CDH18: variants seen among roughly 807,000 people sequenced by gnomAD.
CDH18 encodes cadherin-18.
CDH18 carries 31 observed loss-of-function variants against 67.9 expected under a neutral mutation model. The observed-to-expected ratio is 0.46, with a 90% CI of 0.34 to 0.62. The LOEUF is 0.62. CDH18 is among the 20% of genes least tolerant of loss of function. The pLI is 0.01. For missense variants in CDH18, 890 were observed against 975.5 expected, an observed-to-expected ratio of 0.91 and a Z score of 1.17; for synonymous variants, 362 against 347.2, an observed-to-expected ratio of 1.04 and a Z score of -0.48.
intron 2 of CDH18, among the ~76,000 whole-genome samples, chr5:20,120,238 C>T (rs1748249659): frequency 6.6e-6 from 1 of 152,146 alleles, no homozygotes; most frequent in South Asian, 2.1e-4. Flanking sequence ...ATAGTTCTGC[C>T]TGTAAGGTGG....
chr5:19,669,634 G>A (rs997332652), intron 5 of CDH18, among the ~76,000 whole-genome samples: 6 of 152,024 alleles, frequency 3.9e-5, no homozygotes, highest in Non-Finnish European at 7.4e-5. Flanking sequence ...AAGAAGAGAG[G>A]CAACATTTGT....
chr5:19,883,117 G>A (rs1787834036), intron 2 of CDH18, among the ~76,000 whole-genome samples: 1 of 152,128 alleles, frequency 6.6e-6, no homozygotes, highest in African/African-American at 2.4e-5. Flanking sequence ...CCCAAATGCT[G>A]GCTCGAGAGC....
intron 2 of CDH18, among the ~76,000 whole-genome samples, chr5:19,930,006 G>A (rs1191849810): frequency 2.0e-5 from 3 of 152,012 alleles, no homozygotes; most frequent in African/African-American, 7.2e-5. Flanking sequence ...CAGTGACAGG[G>A]TAAAAGATAA....
chr5:19,480,375 ATTTATTTAT>A (rs1739203405), intron 12 of CDH18, among the ~76,000 whole-genome samples: 1 of 149,466 alleles, frequency 6.7e-6, no homozygotes, highest in African/African-American at 2.5e-5. Context: ...TTATTTATTT[ATTTATTTAT>A]TTATTTATTT....
At chr5:19,679,701 G>A (rs1294554148) in intron 5 of CDH18, among the ~76,000 whole-genome samples, 5 of 151,844 alleles carry the variant, frequency 3.3e-5, no homozygotes, top group African/African-American at 9.7e-5. Context: ...GCAGCCACAA[G>A]TAGAATAAAA....
At chr5:19,623,188 T>C (rs1750976447) in intron 5 of CDH18, among the ~76,000 whole-genome samples, 1 of 152,184 alleles carries the variant, frequency 6.6e-6, no homozygotes, top group Non-Finnish European at 1.5e-5. Context: ...TTCAGGTATA[T>C]GTTGTATTTA....
At chr5:20,143,086 G>A (rs1750372571) in intron 2 of CDH18, among the ~76,000 whole-genome samples, 1 of 152,132 alleles carries the variant, frequency 6.6e-6, no homozygotes, top group African/African-American at 2.4e-5. Context: ...GTAAAACTAT[G>A]GACATTAGAG....
At chr5:19,480,683 G>A (rs1739282005) in intron 12 of CDH18, among the ~76,000 whole-genome samples, 3 of 151,986 alleles carry the variant, frequency 2.0e-5, no homozygotes, top group Admixed American at 6.6e-5. Flanking sequence ...GCCATATAAA[G>A]TTTCTAAAGG....
chr5:19,877,114 C>T (rs910411322), intron 2 of CDH18, among the ~76,000 whole-genome samples: 13 of 152,054 alleles, frequency 8.5e-5, no homozygotes, highest in Admixed American at 8.5e-4. Flanking sequence ...TGTGTTAAGC[C>T]ACGGAGACTT....
At chr5:19,495,678 C>A (rs1442949556) in intron 11 of CDH18, among the ~76,000 whole-genome samples, 4 of 135,286 alleles carry the variant, frequency 3.0e-5, no homozygotes, top group African/African-American at 8.4e-5. Context: ...GAGATCCCGC[C>A]ATTGCACTAC....
rs374180063 is a variant in CDH18, at chr5:20,570,656, G to A, written c.-580+4806C>T. 1.2e-4 allele frequency among the ~76,000 whole-genome samples: 18 copies of A among 152,208 alleles called. 1 individual carries two copies. The highest frequency in any genetic ancestry group is 3.9e-4 in the African/African-American group (16 of 41,548). ...TGGGCCAAGATCCTCTCATTCACAA[G>A]TTAGAGTGACTGCAGTTTAGTAAAC... On this transcript the variant is annotated intron_variant, in intron 1 of 14. Transcript: ENST00000507958.
intron 2 of CDH18, among the ~76,000 whole-genome samples, chr5:20,153,384 T>C (rs1403665241): frequency 6.6e-6 from 1 of 152,138 alleles, no homozygotes. Flanking sequence ...TTTTCCAATA[T>C]GTGGGCAAGC....
chr5:20,400,256 G>T (rs984777543), intron 1 of CDH18, among the ~76,000 whole-genome samples: 1 of 151,988 alleles, frequency 6.6e-6, no homozygotes, highest in Non-Finnish European at 1.5e-5. Flanking sequence ...GAGACGGGTG[G>T]ATCATGAGGT....
intron 3 of CDH18, among the ~76,000 whole-genome samples, chr5:19,836,912 T>C (rs1171096386): frequency 6.6e-6 from 1 of 152,152 alleles, no homozygotes; most frequent in African/African-American, 2.4e-5. Flanking sequence ...TTACTGGGTA[T>C]ATACCCAAAG....
chr5:19,880,983 G>A (rs988619321), intron 2 of CDH18, among the ~76,000 whole-genome samples: 2 of 152,162 alleles, frequency 1.3e-5, no homozygotes, highest in East Asian at 3.9e-4. Context: ...TTAGCATGAA[G>A]CCTATAGCCC....
At chr5:19,646,115 T>C (rs1173513639) in intron 5 of CDH18, among the ~76,000 whole-genome samples, 2 of 152,020 alleles carry the variant, frequency 1.3e-5, no homozygotes, top group Non-Finnish European at 2.9e-5. Context: ...ATGTATAATA[T>C]GTTGAAGGAA....
At chr5:19,738,120 T>C (rs1466216033) in intron 4 of CDH18, among the ~76,000 whole-genome samples, 1 of 152,172 alleles carries the variant, frequency 6.6e-6, no homozygotes, top group Non-Finnish European at 1.5e-5. Context: ...ACATATTTTA[T>C]TTATTACCTA....
At chr5:20,421,126 A>T (rs1747827084) in intron 1 of CDH18, among the ~76,000 whole-genome samples, 2 of 150,802 alleles carry the variant, frequency 1.3e-5, no homozygotes, top group Non-Finnish European at 1.5e-5. Context: ...GTCACCAAGA[A>T]CTCAGGCATT....
intron 2 of CDH18, among the ~76,000 whole-genome samples, chr5:20,187,914 T>G (rs1310409647): frequency 1.3e-5 from 2 of 151,700 alleles, no homozygotes; most frequent in African/African-American, 2.4e-5. Context: ...TTTGAACATA[T>G]AAATATATAT....
Sources: allele counts gnomAD v4.1 joint callset (sites outside exome capture counted in the v4.1 genomes callset), GRCh38; gene constraint gnomAD v4.1.1; transcripts MANE v1.5; gene names NCBI Gene and HGNC (gene_info 2026-07-23, HGNC 2026-07-21).